Variants in THEMIS observed in about 807,000 individuals in gnomAD.
THEMIS encodes thymocyte selection associated, also known as protein THEMIS.
Under a neutral mutation model 52.6 loss-of-function variants are expected in THEMIS, and 37 were observed. That is an observed-to-expected ratio of 0.70 (90% CI 0.54 to 0.93). The LOEUF (loss-of-function observed/expected upper bound fraction) is 0.93. Ranked by LOEUF, THEMIS falls within the 40% of genes least tolerant of loss-of-function variation. The pLI is 0.00. For synonymous variants in THEMIS, 292 were observed against 272.7 expected, an observed-to-expected ratio of 1.07 and a Z score of -0.70; for missense variants, 808 against 763.1, an observed-to-expected ratio of 1.06 and a Z score of -0.69.
At chr6:127,792,997 C>G (rs1777208912) in intron 4 of THEMIS, among the ~76,000 whole-genome samples, 1 of 152,332 alleles carries the variant, frequency 6.6e-6, no homozygotes, top group South Asian at 2.1e-4. Flanking sequence ...TTCCACCTTT[C>G]ATTCCACAGC....
chr6:127,847,110 A>T (rs1779240709), intron 2 of THEMIS, among the ~76,000 whole-genome samples: 1 of 151,986 alleles, frequency 6.6e-6, no homozygotes, highest in Non-Finnish European at 1.5e-5. Flanking sequence ...CGCTCAAAAA[A>T]ATAGGTATAG....
chr6:127,790,725 C>A (rs564915575), intron 4 of THEMIS, among the ~76,000 whole-genome samples: 1 of 152,302 alleles, frequency 6.6e-6, no homozygotes, highest in South Asian at 2.1e-4. Context: ...AACCTGGATC[C>A]CATGCCTGCC....
intron 4 of THEMIS, among the ~76,000 whole-genome samples, chr6:127,727,807 G>T (rs1405074236): frequency 6.6e-6 from 1 of 152,048 alleles, no homozygotes; most frequent in East Asian, 1.9e-4. Context: ...GCCCCACATA[G>T]GATGTGGTCC....
intron 1 of THEMIS, among the ~76,000 whole-genome samples, chr6:127,884,792 G>A (rs1780595518): frequency 6.6e-6 from 1 of 152,150 alleles, no homozygotes; most frequent in African/African-American, 2.4e-5. Context: ...TCAAGATCAA[G>A]GTTCTGGTTG....
chr6:127,705,705 A>G (rs1317548718), downstream of THEMIS, among the ~76,000 whole-genome samples: 1 of 152,202 alleles, frequency 6.6e-6, no homozygotes, highest in Admixed American at 6.5e-5. Context: ...TATCCTGTGT[A>G]ATATCATCTC....
In THEMIS at chr6:127,813,072, T is replaced by C. The variant is rs756249902; in HGVS notation, c.1569A>G (p.Ala523=). The change falls in exon 4 of 6, where the codon GCA becomes GCG. Residue 523 remains alanine (A), a synonymous_variant. Transcript: ENST00000368248. The stretch of plus-strand genomic sequence containing the variant: ...CCAGAGTCCTGACTAGAAATGGTTC[T>C]GCATCCCTAGAGAAATTACTAACTA... ...VQLVSNFSRD[A]EPFLVRTLVE... is the part of the protein sequence containing the mutation. 6 of 1,614,042 alleles carry C rather than the reference T, an allele frequency of 3.7e-6. No homozygotes were observed. Among genetic ancestry groups the C allele is most frequent in the Non-Finnish European group, 5.1e-6 (6 of 1,180,030 alleles).
rs1190357268 is a variant in THEMIS at position 127,895,029 on chromosome 6, A to C, written c.91+5813T>G. Among the ~76,000 whole-genome samples the C allele has an allele frequency of 5.3e-5, 8 of 149,744 alleles. No homozygotes were observed. The East Asian group carries it at 1.4e-3, about 25-fold the overall frequency. On this transcript the variant is annotated intron_variant, in intron 1 of 5. Transcript: ENST00000368248. ...AAATGTATATATAATACATATATTTATATGAAAGGATCCTCCAACATTTGA... is the reference window on the plus strand; with the variant it reads ...AAATGTATATATAATACATATATTTCTATGAAAGGATCCTCCAACATTTGA...
intron 2 of THEMIS, among the ~76,000 whole-genome samples, chr6:127,837,779 T>C (rs1440236940): frequency 6.6e-6 from 1 of 152,108 alleles, no homozygotes; most frequent in Admixed American, 6.6e-5. Flanking sequence ...TTTTAAACAA[T>C]GTCGAAACTC....
intron 4 of THEMIS, among the ~76,000 whole-genome samples, chr6:127,797,888 G>A (rs537993470): frequency 6.6e-6 from 1 of 152,310 alleles, no homozygotes; most frequent in African/African-American, 2.4e-5. Context: ...CACCTTCCAA[G>A]TCCTGCATAC....
At position 127,801,647 on chromosome 6, in the gene THEMIS, C is replaced by G. The variant is rs574278510; in HGVS notation, c.1758+11236G>C. 2.0e-5 allele frequency among the ~76,000 whole-genome samples: 3 copies of G among 152,298 alleles called. No individual in the cohort carries two copies. In the East Asian group the frequency reaches 5.8e-4, roughly 29 times the overall value. ...GACAACATCCCCTCCTCAACCCATG[C>G]TGCCATCAGCCTTTCCACCTTTGTC... is the stretch of plus-strand genomic sequence containing the variant. On this transcript the variant is annotated intron_variant, in intron 4 of 5. Coordinates refer to ENST00000368248, the MANE Select transcript of THEMIS (RefSeq NM_001010923.3).
chr6:127,864,954 A>G (rs141875603), intron 1 of THEMIS, among the ~76,000 whole-genome samples: 94 of 152,250 alleles, frequency 6.2e-4, no homozygotes, highest in African/African-American at 2.1e-3. Flanking sequence ...CAGGTTTCCA[A>G]TTGTCCTCTC....
chr6:127,825,130 A>G lies in THEMIS; in HGVS notation c.709+4346T>C, dbSNP rs1778464329. The stretch of plus-strand genomic sequence containing the variant: ...ATGAAAATTTTCCCTGGAGGTAAAC[A>G]AAAGACAAAAAGATATAAAATAGAA... On this transcript the variant is annotated intron_variant, in intron 3 of 5. Coordinates refer to ENST00000368248, the MANE Select transcript of THEMIS (RefSeq NM_001010923.3). Among the ~76,000 whole-genome samples the G allele has an allele frequency of 3.3e-5, 5 of 152,258 alleles. No individual in the cohort carries two copies. In the South Asian group the frequency reaches 1.0e-3, roughly 32 times the overall value.
chr6:127,911,013 C>T (rs111699784), intron 1 of THEMIS, among the ~76,000 whole-genome samples: 2,345 of 151,508 alleles, frequency 0.015, 64 homozygotes, highest in African/African-American at 0.054. Context: ...CAATTTCAGT[C>T]TGTCTGATGT....
rs79095604 is a variant in THEMIS at position 127,719,614 on chromosome 6, A to C, written c.1894+74T>G. The C allele has an allele frequency of 5.3e-3, 7,151 of 1,349,760 alleles. 330 individuals are homozygous for C. The African/African-American group carries it at 0.096, about 18-fold the overall frequency. The allele number at this position is 1,349,760 out of a possible 1,614,324, so 83.6% of individuals were successfully genotyped here. A position where few individuals can be genotyped will look rare whatever the true frequency, so the allele number is the denominator to read the frequency against. On this transcript the variant is annotated intron_variant, in intron 5 of 5. Coordinates refer to ENST00000368248, the MANE Select transcript of THEMIS (RefSeq NM_001010923.3). ...TATTCCAAATAAAATAATAGTAAGA[A>C]TCTGTCCATTGCACCTTTGTCATGT...
chr6:127,744,085 G>C (rs1481082763), intron 4 of THEMIS, among the ~76,000 whole-genome samples: 4 of 151,994 alleles, frequency 2.6e-5, no homozygotes, highest in African/African-American at 9.7e-5. Context: ...ACTGTTTATT[G>C]ACTGCACCAG....
At chr6:127,880,175 A>G (rs1006075811) in intron 1 of THEMIS, among the ~76,000 whole-genome samples, 2 of 152,184 alleles carry the variant, frequency 1.3e-5, no homozygotes, top group Non-Finnish European at 2.9e-5. Context: ...ACCACAGCAT[A>G]CAACAGGTGC....
chr6:127,808,636 C>T (rs889216355), intron 4 of THEMIS, among the ~76,000 whole-genome samples: 2 of 152,154 alleles, frequency 1.3e-5, no homozygotes, highest in Non-Finnish European at 2.9e-5. Flanking sequence ...TAAAGAACAA[C>T]TATAATATTA....
At chr6:127,723,275 T>C (rs1774426090) in intron 4 of THEMIS, among the ~76,000 whole-genome samples, 1 of 151,976 alleles carries the variant, frequency 6.6e-6, no homozygotes, top group Non-Finnish European at 1.5e-5. Flanking sequence ...CTTCAACTTG[T>C]TTTACCTGCC....
At chr6:127,869,264 A>G (rs571528141) in intron 1 of THEMIS, among the ~76,000 whole-genome samples, 1 of 152,314 alleles carries the variant, frequency 6.6e-6, no homozygotes, top group South Asian at 2.1e-4. Context: ...CATATAACCT[A>G]TTGAACATCA....
Sources: gnomAD v4.1 joint callset for allele counts (sites outside exome capture counted in the v4.1 genomes callset) on GRCh38, gnomAD v4.1.1 for gene constraint, MANE v1.5 for transcripts, NCBI Gene and HGNC (gene_info 2026-07-23, HGNC 2026-07-21) for gene names.